The following NBEA variants were observed in gnomAD, a reference collection of about 807,000 sequenced individuals.
The protein encoded by NBEA is lysosomal-trafficking regulator 2.
In NBEA, 44 loss-of-function variants were observed where a neutral mutation model predicts 343.4. The observed-to-expected ratio is 0.13, with a 90% CI of 0.10 to 0.16. The LOEUF is 0.16. NBEA is among the 10% of genes least tolerant of loss of function. The probability of loss-of-function intolerance (pLI) is 1.00; values close to 1 mark genes in which losing one functional copy is unlikely to be tolerated. For missense variants in NBEA, 2,555 were observed against 3,631.3 expected, an observed-to-expected ratio of 0.70 and a Z score of 7.62; for synonymous variants, 1,175 against 1,238.7, an observed-to-expected ratio of 0.95 and a Z score of 1.08.
intron 8 of NBEA, among the ~76,000 whole-genome samples, chr13:35,059,337 G>C (rs529118229): frequency 6.6e-6 from 1 of 151,960 alleles, no homozygotes; most frequent in South Asian, 2.1e-4. Flanking sequence ...AGTAGGTACA[G>C]TAGTGAGTAT....
intron 39 of NBEA, among the ~76,000 whole-genome samples, chr13:35,446,523 C>T (rs997631388): frequency 6.6e-6 from 1 of 152,098 alleles, no homozygotes; most frequent in African/African-American, 2.4e-5. Context: ...AAATAATCAA[C>T]CTGACTGAAT....
At chr13:35,067,281 G>A (rs1054787383) in intron 8 of NBEA, among the ~76,000 whole-genome samples, 6 of 151,974 alleles carry the variant, frequency 3.9e-5, no homozygotes, top group African/African-American at 9.7e-5. Context: ...ACTTGGAGTC[G>A]TTTCCTTAGC....
At chr13:35,275,116 G>A (rs1034342657) in intron 34 of NBEA, among the ~76,000 whole-genome samples, 3 of 152,124 alleles carry the variant, frequency 2.0e-5, no homozygotes, top group African/African-American at 2.4e-5. Flanking sequence ...ATGCTACAAG[G>A]CTACAGTAAC....
chr13:35,540,840 G>A (rs1263065606), intron 41 of NBEA, among the ~76,000 whole-genome samples: 1 of 152,130 alleles, frequency 6.6e-6, no homozygotes, highest in African/African-American at 2.4e-5. Flanking sequence ...TGCTATTGGA[G>A]AAATACAAAT....
intron 16 of NBEA, among the ~76,000 whole-genome samples, chr13:35,119,600 A>C (rs1216558590): frequency 2.0e-5 from 3 of 151,998 alleles, no homozygotes; most frequent in Non-Finnish European, 4.4e-5. Context: ...TCTTTTTGAG[A>C]CAGAGTCTTG....
chr13:35,546,537 G>T (rs1283185938), intron 41 of NBEA, among the ~76,000 whole-genome samples: 1 of 150,622 alleles, frequency 6.6e-6, no homozygotes, highest in African/African-American at 2.4e-5. Flanking sequence ...GAGAGGAGTA[G>T]ATCTAAAATT....
rs143218083 is a variant in NBEA, at chr13:35,268,320, A to G, written c.5777-22069A>G. On this transcript the variant is annotated intron_variant, in intron 34 of 58. Transcript: ENST00000379939. ...AGTAGTCAAAAATCACAGAGACAGA[A>G]AATAGAATGGTGGTGGCCAGGGGCT... Among the ~76,000 whole-genome samples, 341 of 152,148 alleles carry G rather than the reference A, an allele frequency of 2.2e-3. 1 individual carries two copies. Among genetic ancestry groups the G allele is most frequent in the African/African-American group, 8.1e-3 (335 of 41,556 alleles).
chr13:35,198,963 C>G (rs890279290), intron 31 of NBEA, among the ~76,000 whole-genome samples: 1 of 151,942 alleles, frequency 6.6e-6, no homozygotes, highest in African/African-American at 2.4e-5. Context: ...TAGTTTCATG[C>G]TTTAATGTCA....
chr13:35,193,731 T>G (rs1365226019), intron 30 of NBEA, among the ~76,000 whole-genome samples: 2 of 151,952 alleles, frequency 1.3e-5, no homozygotes, highest in African/African-American at 4.8e-5. Context: ...TACCCTGATT[T>G]TCACATTGGT....
At chr13:35,147,801 T>C (rs2068527654) in intron 18 of NBEA, among the ~76,000 whole-genome samples, 1 of 152,114 alleles carries the variant, frequency 6.6e-6, no homozygotes, top group South Asian at 2.1e-4. Flanking sequence ...GGTGTGAGTA[T>C]AACAGAGGCA....
At chr13:35,170,180 A>G (rs757972801) in intron 25 of NBEA, among the ~76,000 whole-genome samples, 5 of 151,618 alleles carry the variant, frequency 3.3e-5, no homozygotes, top group African/African-American at 4.8e-5. Context: ...TCACGTTTCC[A>G]TGTTAATGCT....
chr13:35,574,291 C>CT (rs1436951365), intron 45 of NBEA, among the ~76,000 whole-genome samples: 100 of 82,448 alleles, frequency 1.2e-3, no homozygotes, highest in Admixed American at 0.012. Context: ...GTAGGATATT[C>CT]TTTAAAAAAA....
At chr13:35,146,791 T>C (rs2068454932) in intron 18 of NBEA, among the ~76,000 whole-genome samples, 1 of 152,188 alleles carries the variant, frequency 6.6e-6, no homozygotes, top group African/African-American at 2.4e-5. Flanking sequence ...TTGTTTGCCA[T>C]GCTAGGTCCT....
At chr13:35,307,374 CTT>C (rs2036964402) in intron 35 of NBEA, among the ~76,000 whole-genome samples, 1 of 152,026 alleles carries the variant, frequency 6.6e-6, no homozygotes, top group African/African-American at 2.4e-5. Context: ...CTTTCTCAAA[CTT>C]TAAACTGTAA....
chr13:35,068,450 G>A (rs187159206), intron 8 of NBEA, among the ~76,000 whole-genome samples: 6 of 152,220 alleles, frequency 3.9e-5, no homozygotes, highest in East Asian at 1.9e-4. Context: ...TTGCAGACAC[G>A]GAAAGCTGAT....
chr13:35,637,971 A>G (rs1436401616), intron 49 of NBEA, among the ~76,000 whole-genome samples: 1 of 152,216 alleles, frequency 6.6e-6, no homozygotes, highest in Non-Finnish European at 1.5e-5. Flanking sequence ...TACAACATGG[A>G]TGAACCTTAA....
chr13:35,122,372 A>G (rs2066849936), intron 16 of NBEA, among the ~76,000 whole-genome samples: 1 of 152,116 alleles, frequency 6.6e-6, no homozygotes, highest in Admixed American at 6.5e-5. Flanking sequence ...CATATACACC[A>G]TGGAATACTA....
chr13:34,976,083 A>G (rs1043810852), intron 1 of NBEA, among the ~76,000 whole-genome samples: 6 of 152,220 alleles, frequency 3.9e-5, no homozygotes, highest in African/African-American at 1.4e-4. Flanking sequence ...GTATCTACCC[A>G]GAGGAAAATA....
At chr13:35,070,228 G>T in intron 9 of NBEA, 123 bp downstream of exon 9, 1 of 918,552 alleles carries the variant, frequency 1.1e-6, no homozygotes, top group East Asian at 2.9e-5. Flanking sequence ...GGCTTTTGCA[G>T]ATCTTTTAAG....
Sources: gnomAD v4.1 joint callset for allele counts (sites outside exome capture counted in the v4.1 genomes callset) on GRCh38, gnomAD v4.1.1 for gene constraint, MANE v1.5 for transcripts, NCBI Gene and HGNC (gene_info 2026-07-23, HGNC 2026-07-21) for gene names.